The following WDR70 variants were observed in gnomAD, a reference collection of about 807,000 sequenced individuals.
WDR70 encodes WD repeat domain 70, also known as WD repeat-containing protein 70.
WDR70 carries 53 observed loss-of-function variants against 88.6 expected under a neutral mutation model. That is an observed-to-expected ratio of 0.60 (90% CI 0.48 to 0.75). The LOEUF (loss-of-function observed/expected upper bound fraction) is 0.75. Ranked by LOEUF, WDR70 falls within the 30% of genes least tolerant of loss-of-function variation. The pLI, the probability that WDR70 is intolerant of heterozygous loss-of-function variation, is 0.00. For missense variants in WDR70, 610 were observed against 823.2 expected (o/e 0.74, Z 3.17); for synonymous variants, 280 against 270.0 (o/e 1.04, Z -0.36).
chr5:37,539,937 A>T (rs1741766831), intron 9 of WDR70, among the ~76,000 whole-genome samples: 2 of 152,210 alleles, frequency 1.3e-5, no homozygotes. Context: ...AGATTCACCT[A>T]CACATTTCTG....
At chr5:37,687,831 C>A (rs1746657164) in intron 10 of WDR70, 2 of 543,058 alleles carry the variant, frequency 3.7e-6, no homozygotes, top group Admixed American at 2.5e-5. Flanking sequence ...GAATCCCACT[C>A]AGGGTAGTGA....
intron 17 of WDR70, among the ~76,000 whole-genome samples, chr5:37,733,127 G>T (rs1748199502): frequency 6.6e-6 from 1 of 152,126 alleles, no homozygotes; most frequent in South Asian, 2.1e-4. Context: ...TTTCTACAGA[G>T]ACTCCAGGGG....
intron 9 of WDR70, among the ~76,000 whole-genome samples, chr5:37,536,156 A>G (rs1741662216): frequency 6.6e-6 from 1 of 152,134 alleles, no homozygotes; most frequent in Non-Finnish European, 1.5e-5. Flanking sequence ...TCATCAGTAT[A>G]AGTAGACTGG....
chr5:37,722,951 C>G lies in WDR70; in HGVS notation c.1597+17C>G. On this transcript the variant is annotated intron_variant, in intron 15 of 17. Transcript: ENST00000265107. Reference sequence around the variant, plus strand: ...TCATCACCCGTAAGTCGTTAACATGCCTCTCAATCATGCATCTCTCTTCTA... The same window carrying G: ...TCATCACCCGTAAGTCGTTAACATGGCTCTCAATCATGCATCTCTCTTCTA... The G allele has an allele frequency of 1.9e-6, 3 of 1,612,734 alleles. No individual in the cohort carries two copies. Among genetic ancestry groups the G allele is most frequent in the Non-Finnish European group, 2.5e-6 (3 of 1,179,002 alleles).
intron 9 of WDR70, among the ~76,000 whole-genome samples, chr5:37,519,459 T>C (rs74333005): frequency 9.0e-6 from 1 of 111,344 alleles, no homozygotes; most frequent in African/African-American, 3.6e-5. Flanking sequence ...TCCCAGATGA[T>C]GGGCTGCCGG....
intron 7 of WDR70, among the ~76,000 whole-genome samples, chr5:37,454,268 C>T (rs1228603145): frequency 6.6e-6 from 1 of 152,040 alleles, no homozygotes; most frequent in African/African-American, 2.4e-5. Flanking sequence ...TGGCTCTGCA[C>T]TGTAAGTGAT....
At chr5:37,719,820 G>GT (rs1247557857) in intron 13 of WDR70, among the ~76,000 whole-genome samples, 1 of 146,700 alleles carries the variant, frequency 6.8e-6, no homozygotes, top group Non-Finnish European at 1.5e-5. Context: ...TTATTTCTTT[G>GT]TTTTTTTCTT....
chr5:37,577,705 G>C (rs1361673787), intron 9 of WDR70, among the ~76,000 whole-genome samples: 2 of 152,216 alleles, frequency 1.3e-5, no homozygotes, highest in East Asian at 3.9e-4. Context: ...TTGAACAGTT[G>C]TGTTAATGCT....
intron 8 of WDR70, among the ~76,000 whole-genome samples, chr5:37,500,963 T>G (rs1740389933): frequency 6.6e-6 from 1 of 152,182 alleles, no homozygotes; most frequent in Non-Finnish European, 1.5e-5. Context: ...GGTCTTGAAC[T>G]CCTGACCTCA....
chr5:37,403,569 T>C (rs905976885), intron 5 of WDR70, among the ~76,000 whole-genome samples: 3 of 152,220 alleles, frequency 2.0e-5, no homozygotes, highest in Admixed American at 6.5e-5. Context: ...TTGTTCATAA[T>C]CACTGTGGCA....
At chr5:37,588,598 G>A (rs1305755022) in intron 9 of WDR70, among the ~76,000 whole-genome samples, 1 of 150,164 alleles carries the variant, frequency 6.7e-6, no homozygotes. Context: ...TATTTTTAGA[G>A]ATGGGAGTCA....
At chr5:37,617,865 ACATAT>A (rs1157397608) in intron 10 of WDR70, among the ~76,000 whole-genome samples, 2 of 152,222 alleles carry the variant, frequency 1.3e-5, no homozygotes, top group African/African-American at 4.8e-5. Context: ...ATAGATATTA[ACATAT>A]AGAAGGGAAA....
chr5:37,669,538 G>C (rs1301350250), intron 10 of WDR70, among the ~76,000 whole-genome samples: 2 of 152,152 alleles, frequency 1.3e-5, no homozygotes, highest in African/African-American at 4.8e-5. Flanking sequence ...CAATGAGTGA[G>C]GCAGTCCCAG....
At chr5:37,445,260 T>G (rs1433184516) in intron 7 of WDR70, among the ~76,000 whole-genome samples, 1 of 150,774 alleles carries the variant, frequency 6.6e-6, no homozygotes, top group African/African-American at 2.4e-5. Context: ...GTTAATATTT[T>G]ATACTTGAGA....
chr5:37,731,220 C>G (rs1259656107), intron 17 of WDR70, among the ~76,000 whole-genome samples: 1 of 152,142 alleles, frequency 6.6e-6, no homozygotes, highest in East Asian at 1.9e-4. Context: ...GAGGTAGGTG[C>G]TCCTGCTGTG....
chr5:37,521,703 TACACACACACACAC>T (rs59206188), intron 9 of WDR70, among the ~76,000 whole-genome samples: 32 of 145,332 alleles, frequency 2.2e-4, no homozygotes, highest in East Asian at 4.0e-4. Context: ...AGTCCAAGTA[TACACACACACACAC>T]ACACACACAC....
chr5:37,572,715 G>T (rs930131040), intron 9 of WDR70, among the ~76,000 whole-genome samples: 1 of 152,140 alleles, frequency 6.6e-6, no homozygotes, highest in East Asian at 1.9e-4. Context: ...GGGAATAAAT[G>T]CATTCAACTG....
intron 10 of WDR70, among the ~76,000 whole-genome samples, chr5:37,695,141 T>C (rs528361207): frequency 1.3e-5 from 2 of 152,142 alleles, no homozygotes; most frequent in East Asian, 3.9e-4. Context: ...GAGTGAGATA[T>C]CTCACATGGC....
At chr5:37,701,019 C>T (rs937436089) in intron 11 of WDR70, 39 bp from the exon 12 acceptor site, 2 of 1,328,874 alleles carry the variant, frequency 1.5e-6, no homozygotes, top group African/African-American at 1.5e-5. Flanking sequence ...TTGCACAATT[C>T]ACTTTTCTGT....
Sources: allele counts gnomAD v4.1 joint callset (sites outside exome capture counted in the v4.1 genomes callset), GRCh38; gene constraint gnomAD v4.1.1; transcripts MANE v1.5; gene names NCBI Gene and HGNC (gene_info 2026-07-23, HGNC 2026-07-21).